Variants in SMYD3 observed in about 807,000 individuals in gnomAD.
SMYD3 encodes SET and MYND domain containing 3, also known as histone-lysine N-methyltransferase SMYD3.
In SMYD3, 36 loss-of-function variants were observed where a neutral mutation model predicts 57.7. The observed-to-expected ratio is 0.62, with a 90% CI of 0.48 to 0.82. SMYD3 has a LOEUF of 0.82. Ranked by LOEUF, SMYD3 falls within the 40% of genes least tolerant of loss-of-function variation. The pLI is 0.00. For missense variants in SMYD3, 515 were observed against 538.8 expected (o/e 0.96, Z 0.44); for synonymous variants, 211 against 195.0 (o/e 1.08, Z -0.68).
chr1:245,865,347 C>T (rs2051777613), intron 8 of SMYD3, among the ~76,000 whole-genome samples: 2 of 152,018 alleles, frequency 1.3e-5, no homozygotes, highest in African/African-American at 2.4e-5. Context: ...TAATAAAAAC[C>T]AACGAAAAGT....
chr1:246,501,319 C>G (rs1238129382), intron 1 of SMYD3, among the ~76,000 whole-genome samples: 1 of 152,194 alleles, frequency 6.6e-6, no homozygotes, highest in African/African-American at 2.4e-5. Flanking sequence ...TCTGCCTTTG[C>G]TGAAACTATT....
At chr1:246,433,566 C>T (rs982422314) in intron 1 of SMYD3, among the ~76,000 whole-genome samples, 11 of 152,174 alleles carry the variant, frequency 7.2e-5, no homozygotes, top group East Asian at 3.9e-4. Flanking sequence ...GAGGTTGAGG[C>T]GGGAGAATTG....
At chr1:246,465,596 G>A (rs2067870849) in intron 1 of SMYD3, among the ~76,000 whole-genome samples, 1 of 152,186 alleles carries the variant, frequency 6.6e-6, no homozygotes, top group Non-Finnish European at 1.5e-5. Context: ...CACTTTGGGA[G>A]GCTGAGGCAG....
chr1:246,275,392 C>T (rs1297830549), intron 5 of SMYD3, among the ~76,000 whole-genome samples: 1 of 150,578 alleles, frequency 6.6e-6, no homozygotes, highest in Non-Finnish European at 1.5e-5. Context: ...TTAACACTGG[C>T]AAGTTATTTA....
chr1:246,345,605 T>C (rs1558414125), intron 2 of SMYD3, among the ~76,000 whole-genome samples: 2 of 152,364 alleles, frequency 1.3e-5, no homozygotes, highest in East Asian at 1.9e-4. Flanking sequence ...TTTGGAGCGC[T>C]GCAGATTTTT....
At chr1:245,768,081 T>C (rs2817500) in intron 10 of SMYD3, among the ~76,000 whole-genome samples, 138,669 of 152,218 alleles carry the variant, frequency 0.91, 63,277 homozygotes, top group East Asian at 1. Context: ...ATAGAAACGC[T>C]TCCACAAAAA....
chr1:245,835,138 T>TTTGG (rs2050043028), intron 10 of SMYD3, among the ~76,000 whole-genome samples: 1 of 150,524 alleles, frequency 6.6e-6, no homozygotes, highest in Admixed American at 6.6e-5. Context: ...TTTTTTTTTT[T>TTTGG]GAGAGGGAGT....
At chr1:246,262,551 C>G (rs1479216836) in intron 5 of SMYD3, among the ~76,000 whole-genome samples, 1 of 152,100 alleles carries the variant, frequency 6.6e-6, no homozygotes, top group African/African-American at 2.4e-5. Context: ...ACACAGTTTC[C>G]ATTTTGTTCT....
In SMYD3 at chr1:245,894,367, C is replaced by T. The variant is rs947972757; in HGVS notation, c.813+21163G>A. 2.0e-5 allele frequency among the ~76,000 whole-genome samples: 3 copies of T among 152,050 alleles called. No individual in the cohort carries two copies. In the South Asian group the frequency reaches 6.2e-4, roughly 32 times the overall value. On this transcript the variant is annotated intron_variant, in intron 8 of 11. Transcript: ENST00000490107. The stretch of plus-strand genomic sequence containing the variant: ...CCAATCAGCAGGACATGGGTGGGGA[C>T]AAATAAGGGAATAAAACCTGGCCAC...
chr1:246,105,786 C>A (rs116745526), intron 5 of SMYD3, among the ~76,000 whole-genome samples: 2 of 152,166 alleles, frequency 1.3e-5, no homozygotes, highest in Admixed American at 1.3e-4. Flanking sequence ...GGGCTTTCCA[C>A]GGTTAATCAA....
intron 10 of SMYD3, among the ~76,000 whole-genome samples, chr1:245,856,315 T>C (rs935269666): frequency 1.3e-5 from 2 of 152,212 alleles, no homozygotes; most frequent in East Asian, 1.9e-4. Flanking sequence ...ACCTCACTCA[T>C]GTGAAGTGGA....
chr1:246,057,116 G>C (rs889688364), intron 5 of SMYD3, among the ~76,000 whole-genome samples: 1 of 152,208 alleles, frequency 6.6e-6, no homozygotes, highest in Non-Finnish European at 1.5e-5. Context: ...AACACAGTAA[G>C]ACATTGTCTA....
rs1306787842 is a variant in SMYD3 at position 245,921,893 on chromosome 1, C to G, written c.702+6038G>C. On this transcript the variant is annotated intron_variant, in intron 7 of 11. Transcript: ENST00000490107. ...AACTGTTGGGTACCATGTTCACTAC[C>G]AGGGTGATGGGATTCATCACACCCC... 5.3e-5 allele frequency among the ~76,000 whole-genome samples: 8 copies of G among 152,058 alleles called. No homozygotes were observed. In the South Asian group the frequency reaches 6.2e-4, roughly 12 times the overall value.
chr1:246,223,810 G>A (rs2063289417), intron 5 of SMYD3, among the ~76,000 whole-genome samples: 1 of 152,010 alleles, frequency 6.6e-6, no homozygotes. Flanking sequence ...TACACTAAAT[G>A]GTCCTTTACA....
intron 10 of SMYD3, among the ~76,000 whole-genome samples, chr1:245,830,359 A>T (rs1232961517): frequency 6.6e-6 from 1 of 152,216 alleles, no homozygotes; most frequent in East Asian, 1.9e-4. Flanking sequence ...GAGCTTGTTG[A>T]GGTGAACTCC....
chr1:246,045,028 C>A (rs183776252), intron 5 of SMYD3, among the ~76,000 whole-genome samples: 3 of 152,260 alleles, frequency 2.0e-5, no homozygotes, highest in East Asian at 1.9e-4. Context: ...GATAGGAAGA[C>A]TCAATATTGT....
chr1:246,205,426 C>T (rs1385544716), intron 5 of SMYD3, among the ~76,000 whole-genome samples: 1 of 152,312 alleles, frequency 6.6e-6, no homozygotes. Context: ...AGCCACAACT[C>T]GCCACAGGAA....
intron 8 of SMYD3, among the ~76,000 whole-genome samples, chr1:245,874,713 A>C (rs1376118506): frequency 6.6e-6 from 1 of 152,236 alleles, no homozygotes; most frequent in Non-Finnish European, 1.5e-5. Flanking sequence ...CTTTAAAAAA[A>C]AATTCTAGAA....
intron 5 of SMYD3, among the ~76,000 whole-genome samples, chr1:246,100,400 G>A (rs2060988248): frequency 6.6e-6 from 1 of 152,176 alleles, no homozygotes; most frequent in Non-Finnish European, 1.5e-5. Context: ...GCCCCACTCA[G>A]GAGTCACTCC....
Sources: gnomAD v4.1 joint callset for allele counts (sites outside exome capture counted in the v4.1 genomes callset) on GRCh38, gnomAD v4.1.1 for gene constraint, MANE v1.5 for transcripts, NCBI Gene and HGNC (gene_info 2026-07-23, HGNC 2026-07-21) for gene names.